TRAPPC3L: variants seen among roughly 807,000 people sequenced by gnomAD.
The protein encoded by TRAPPC3L is trafficking protein particle complex subunit 3L, also known as trafficking protein particle complex subunit 3-like protein.
A neutral mutation model predicts 23.7 loss-of-function variants in TRAPPC3L; 23 were observed. The ratio of observed to expected loss-of-function variants is 0.97; its 90% confidence interval spans 0.70 to 1.37. The LOEUF (loss-of-function observed/expected upper bound fraction) is 1.37, where lower values mean the gene tolerates loss of function less well. Among genes scored for constraint, TRAPPC3L ranks in the 40% most tolerant of loss-of-function variants. The probability of loss-of-function intolerance (pLI) is 0.00; values close to 1 mark genes in which losing one functional copy is unlikely to be tolerated. For missense variants in TRAPPC3L, 212 were observed against 216.8 expected, an observed-to-expected ratio of 0.98 and a Z score of 0.14; for synonymous variants, 81 against 77.9, an observed-to-expected ratio of 1.04 and a Z score of -0.21.
chr6:116,520,475 A>G (rs766989078), intron 3 of TRAPPC3L: 1 of 152,204 alleles, frequency 6.6e-6, no homozygotes, highest in Non-Finnish European at 1.5e-5. Flanking sequence ...ATCATTAAGA[A>G]AAAGCTAAGA....
At chr6:116,533,011 C>T (rs920913853) in intron 3 of TRAPPC3L, among the ~76,000 whole-genome samples, 1 of 152,138 alleles carries the variant, frequency 6.6e-6, no homozygotes, top group Non-Finnish European at 1.5e-5. Flanking sequence ...CCTATGAGAC[C>T]CACTGGCAGG....
rs1773574783 is a variant in TRAPPC3L at position 116,543,291 on chromosome 6, A to G, written c.140+12T>C. 4 of 1,535,862 alleles carry G rather than the reference A, an allele frequency of 2.6e-6. No homozygotes were observed. Among genetic ancestry groups the G allele is most frequent in the Non-Finnish European group, 3.5e-6 (4 of 1,135,886 alleles). On this transcript the variant is annotated intron_variant, in intron 2 of 4. Coordinates refer to ENST00000368602, the MANE Select transcript of TRAPPC3L (RefSeq NM_001139444.3). ...AACAGCCATTCAATAAGAATGAAGGACTTCCACTTACATTTTATCTAAATA... is the reference window on the plus strand; with the variant it reads ...AACAGCCATTCAATAAGAATGAAGGGCTTCCACTTACATTTTATCTAAATA...
chr6:116,515,105 C>T (rs910821161), intron 3 of TRAPPC3L, among the ~76,000 whole-genome samples: 2 of 152,190 alleles, frequency 1.3e-5, no homozygotes, highest in South Asian at 2.1e-4. Flanking sequence ...GCTTCAGCTT[C>T]CTGATTGTAT....
At chr6:116,538,145 G>T (rs537348638) in intron 3 of TRAPPC3L, among the ~76,000 whole-genome samples, 5 of 152,166 alleles carry the variant, frequency 3.3e-5, no homozygotes, top group Non-Finnish European at 7.4e-5. Context: ...TGATTAAAAT[G>T]AATATGTGGA....
At chr6:116,537,584 C>A (rs1773178774) in intron 3 of TRAPPC3L, among the ~76,000 whole-genome samples, 1 of 151,954 alleles carries the variant, frequency 6.6e-6, no homozygotes, top group Non-Finnish European at 1.5e-5. Context: ...CTTTTTTAAT[C>A]TGGAGCATTG....
chr6:116,527,397 C>A (rs1162953729), intron 3 of TRAPPC3L, among the ~76,000 whole-genome samples: 1 of 151,950 alleles, frequency 6.6e-6, no homozygotes, highest in Non-Finnish European at 1.5e-5. Context: ...GGCGCCTGGT[C>A]CCAGCTACTC....
chr6:116,534,467 A>C (rs1372319497), intron 3 of TRAPPC3L, among the ~76,000 whole-genome samples: 1 of 151,838 alleles, frequency 6.6e-6, no homozygotes, highest in East Asian at 1.9e-4. Context: ...AGAAAAAAAA[A>C]TATGACTAGT....
intron 1 of TRAPPC3L, among the ~76,000 whole-genome samples, chr6:116,544,728 G>A (rs1169546784): frequency 6.6e-6 from 1 of 152,098 alleles, no homozygotes; most frequent in Non-Finnish European, 1.5e-5. Flanking sequence ...CAGAAGGCCA[G>A]AGGAGGTATC....
rs1772960890 is a variant in TRAPPC3L at position 116,534,665 on chromosome 6, C to A, written c.240+5698G>T. On this transcript the variant is annotated intron_variant, in intron 3 of 4. Transcript: ENST00000368602. ...AAAATTCACCACTTAGATTTACTTC[C>A]CTGCTTTAGGCACCCTCATTCATAT... Among the ~76,000 whole-genome samples, 5 of 152,242 alleles carry A rather than the reference C, an allele frequency of 3.3e-5. 1 individual carries two copies. In the South Asian group the frequency reaches 8.3e-4, roughly 25 times the overall value.
intron 3 of TRAPPC3L, among the ~76,000 whole-genome samples, chr6:116,507,652 GGGGTCTTGGTTGCAGGTATCCCCTGT>G (rs947737735): frequency 2.7e-4 from 41 of 152,234 alleles, no homozygotes; most frequent in Non-Finnish European, 4.6e-4. Context: ...CTGCAGTTTG[GGGGTCTTGGTTGCAGGTATCCCCTGT>G]GGGTCTTGGT....
Position 116,515,913 on chromosome 6 carries a change from T to G in TRAPPC3L, c.241-15247A>C, listed in dbSNP as rs1473244340. The G allele has an allele frequency of 1.9e-6, 3 of 1,613,702 alleles. No individual in the cohort carries two copies. The highest frequency in any genetic ancestry group is 2.5e-6 in the Non-Finnish European group (3 of 1,179,818). On this transcript the variant is annotated intron_variant, in intron 3 of 4. Transcript: ENST00000368602. ...CACTATAGCACCCTCCACAGAGTGG[T>G]GGACAATGGTCTGCAACTTAGCCCT...
chr6:116,500,519 T>C lies in TRAPPC3L; in HGVS notation c.388A>G (p.Asn130Asp). 6.4e-7 allele frequency: 1 copy of C among 1,551,580 alleles called. No individual in the cohort carries two copies. The highest frequency in any genetic ancestry group is 8.7e-7 in the Non-Finnish European group (1 of 1,146,940). The change falls in exon 4 of 5, where the codon AAC (asparagine) becomes GAC (aspartate). Residue 130 changes from asparagine to aspartate, a missense_variant. Coordinates refer to ENST00000368602, the MANE Select transcript of TRAPPC3L (RefSeq NM_001139444.3). ...CCTCTGATAATCCCACAGAGCAAGTTGCAGTAGCACAGAGAAGATCGCCCA... is the reference window on the plus strand; with the variant it reads ...CCTCTGATAATCCCACAGAGCAAGTCGCAGTAGCACAGAGAAGATCGCCCA... ...PAGRSSLCYC[N>D]LLCGIIRGAL... is the part of the protein sequence containing the mutation.
At chr6:116,499,651 T>C (rs1771883575) in intron 4 of TRAPPC3L, among the ~76,000 whole-genome samples, 1 of 152,214 alleles carries the variant, frequency 6.6e-6, no homozygotes, top group South Asian at 2.1e-4. Context: ...ACTCTTTTTG[T>C]ACCTTTGGAC....
chr6:116,530,219 C>A (rs1026033051), intron 3 of TRAPPC3L, among the ~76,000 whole-genome samples: 4 of 151,858 alleles, frequency 2.6e-5, no homozygotes, highest in Non-Finnish European at 5.9e-5. Context: ...ACAAACCACC[C>A]CCCCTCCTTT....
intron 3 of TRAPPC3L, among the ~76,000 whole-genome samples, chr6:116,538,888 C>T (rs1773260501): frequency 6.6e-6 from 1 of 152,064 alleles, no homozygotes; most frequent in South Asian, 2.1e-4. Flanking sequence ...TGCCACCACG[C>T]CCGGCTAATT....
At chr6:116,524,230 A>G (rs1772402731) in intron 3 of TRAPPC3L, 1 of 152,216 alleles carries the variant, frequency 6.6e-6, no homozygotes, top group African/African-American at 2.4e-5. Flanking sequence ...TATGGAAACT[A>G]TTGAAGCTGG....
chr6:116,527,644 AT>A lies in TRAPPC3L; in HGVS notation c.240+12718del, dbSNP rs537950677. Among the ~76,000 whole-genome samples the A allele has an allele frequency of 2.6e-3, 389 of 152,292 alleles. 1 individual carries two copies. Among genetic ancestry groups the A allele is most frequent in the African/African-American group, 9.0e-3 (375 of 41,570 alleles). On this transcript the variant is annotated intron_variant, in intron 3 of 4. Coordinates refer to ENST00000368602, the MANE Select transcript of TRAPPC3L (RefSeq NM_001139444.3). ...AACTTTAAAAAAAAATCCTAAGAGG[AT>A]AGAGGTGAAGTTTTGCCTTCCCTAC...
At chr6:116,540,252 A>T in intron 3 of TRAPPC3L, 111 bp downstream of exon 3, 1 of 964,266 alleles carries the variant, frequency 1.0e-6, no homozygotes, top group Non-Finnish European at 1.5e-6. Flanking sequence ...CTTTCTCAGC[A>T]CCTAACAATG....
intron 3 of TRAPPC3L, chr6:116,516,110 C>A: frequency 7.6e-7 from 1 of 1,321,764 alleles, no homozygotes; most frequent in Middle Eastern, 2.8e-4. Context: ...GTTTACAAGA[C>A]AATAACACAA....
Sources: gnomAD v4.1 joint callset for allele counts (sites outside exome capture counted in the v4.1 genomes callset) on GRCh38, gnomAD v4.1.1 for gene constraint, MANE v1.5 for transcripts, NCBI Gene and HGNC (gene_info 2026-07-23, HGNC 2026-07-21) for gene names.